CYFIP1: variants seen among roughly 807,000 people sequenced by gnomAD.
CYFIP1 encodes cytoplasmic FMR1 interacting protein 1.
In CYFIP1, 58 loss-of-function variants were observed where a neutral mutation model predicts 163.5. The ratio of observed to expected loss-of-function variants is 0.35; its 90% CI spans 0.29 to 0.44. The LOEUF (loss-of-function observed/expected upper bound fraction) is 0.44, where lower values mean the gene tolerates loss of function less well. Among genes scored for constraint, CYFIP1 ranks in the 20% least tolerant of loss-of-function variants. The pLI, the probability that CYFIP1 is intolerant of heterozygous loss-of-function variation, is 1.00. For missense variants in CYFIP1, 1,338 were observed against 1,653.8 expected, an observed-to-expected ratio of 0.81 and a Z score of 3.31; for synonymous variants, 663 against 660.7, an observed-to-expected ratio of 1.00 and a Z score of -0.05.
In CYFIP1 at chr15:22,949,400, T is replaced by C. The variant is rs535153824; in HGVS notation, c.-6-2109A>G. ...CAGGAAGGAAGGTGAAGCCAGGACG[T>C]GGGCAGAGGAGGAAAACAAAGAGCA... On this transcript the variant is annotated intron_variant, in intron 1 of 30. Coordinates refer to ENST00000617928, the MANE Select transcript of CYFIP1 (RefSeq NM_014608.6). Among the ~76,000 whole-genome samples the C allele has an allele frequency of 4.6e-5, 7 of 151,940 alleles. No individual in the cohort carries two copies. In the South Asian group the frequency reaches 1.5e-3, roughly 32 times the overall value.
chr15:22,910,617 T>C lies in CYFIP1; in HGVS notation c.2171A>G (p.Asp724Gly). 6.2e-7 allele frequency: 1 copy of C among 1,614,100 alleles called. No individual in the cohort carries two copies. Residue 724 changes from aspartate to glycine, a missense_variant, in exon 20 of 31, where the codon GAT becomes GGT. Transcript: ENST00000617928. ...YKVMAGSLLL[D>G]KRLRSECKNQ... The stretch of plus-strand genomic sequence containing the variant: ...CTTGCATTCTGATCGTAACCGTTTA[T>C]CAAGAAGCAAACTAGTGTAGAAGGA...
chr15:22,942,529 C>G (rs2061923969), intron 6 of CYFIP1, among the ~76,000 whole-genome samples: 1 of 151,520 alleles, frequency 6.6e-6, no homozygotes, highest in African/African-American at 2.4e-5. Context: ...CATCGGCCAC[C>G]CACTGCCCCA....
At chr15:22,898,297 T>C (rs2141985659) in intron 22 of CYFIP1, among the ~76,000 whole-genome samples, 1 of 152,218 alleles carries the variant, frequency 6.6e-6, no homozygotes, top group East Asian at 1.9e-4. Flanking sequence ...TCTCACTCTG[T>C]CACCCAGGGG....
chr15:22,964,351 A>ACC (rs2062821151), intron 1 of CYFIP1, among the ~76,000 whole-genome samples: 1 of 63,048 alleles, frequency 1.6e-5, no homozygotes, highest in South Asian at 6.1e-4. Flanking sequence ...CAACCTCATC[A>ACC]CTCACACACA....
At chr15:22,961,294 T>C (rs1352871678) in intron 1 of CYFIP1, among the ~76,000 whole-genome samples, 1 of 152,140 alleles carries the variant, frequency 6.6e-6, no homozygotes, top group Non-Finnish European at 1.5e-5. Flanking sequence ...AGCGCTGAGA[T>C]TGCAGGCATG....
At chr15:22,898,235 C>T (rs959576907) in intron 22 of CYFIP1, among the ~76,000 whole-genome samples, 9 of 152,128 alleles carry the variant, frequency 5.9e-5, no homozygotes, top group Non-Finnish European at 1.0e-4. Flanking sequence ...GTTACTCTAT[C>T]ATTCCAAATA....
At chr15:22,934,273 A>AC (rs1240857195) in intron 9 of CYFIP1, among the ~76,000 whole-genome samples, 1 of 123,594 alleles carries the variant, frequency 8.1e-6, no homozygotes, top group Non-Finnish European at 1.6e-5. Context: ...TGCAAGCTCC[A>AC]CCTCCCAGGT....
chr15:22,939,022 G>A (rs1259300632), intron 8 of CYFIP1, among the ~76,000 whole-genome samples, 170 bp downstream of exon 8: 3 of 151,752 alleles, frequency 2.0e-5, no homozygotes, highest in African/African-American at 7.3e-5. Flanking sequence ...CTCATGGGGT[G>A]TGTTGAGAGC....
At chr15:22,881,801 A>T (rs1246866967) in intron 25 of CYFIP1, 45 bp downstream of exon 25, 2 of 1,567,188 alleles carry the variant, frequency 1.3e-6, no homozygotes, top group African/African-American at 1.4e-5. Flanking sequence ...TTCCTTTCTG[A>T]CCTCTCCACA....
At chr15:22,900,399 CTTT>C (rs35697922) in intron 22 of CYFIP1, among the ~76,000 whole-genome samples, 9 of 135,016 alleles carry the variant, frequency 6.7e-5, no homozygotes, top group African/African-American at 8.2e-5. Context: ...AATTTCTGTT[CTTT>C]TTTTTTTTTT....
intron 1 of CYFIP1, among the ~76,000 whole-genome samples, chr15:22,966,202 A>G (rs2062897367): frequency 6.6e-6 from 1 of 151,810 alleles, no homozygotes. Flanking sequence ...AAAAAATACA[A>G]AATTAGCCAG....
Position 22,918,675 on chromosome 15 carries a change from G to A in CYFIP1, c.1526+17C>T. On this transcript the variant is annotated intron_variant, in intron 14 of 30. Coordinates refer to ENST00000617928, the MANE Select transcript of CYFIP1 (RefSeq NM_014608.6). ...GACGTGTGGGCACAGCGGGCACAGG[G>A]CGTGGGGAAGGCTGACCTCTGGATG... The A allele has an allele frequency of 6.4e-7, 1 of 1,570,742 alleles. No individual in the cohort carries two copies. The highest frequency in any genetic ancestry group is 8.6e-7 in the Non-Finnish European group (1 of 1,157,736).
chr15:22,870,712 A>G (rs754906233), intron 30 of CYFIP1, among the ~76,000 whole-genome samples: 1 of 152,160 alleles, frequency 6.6e-6, no homozygotes, highest in African/African-American at 2.4e-5. Flanking sequence ...ATTCATGCGC[A>G]CAATTGATAG....
chr15:22,918,208 G>A (rs1246999186), intron 14 of CYFIP1, among the ~76,000 whole-genome samples: 2 of 152,224 alleles, frequency 1.3e-5, no homozygotes, highest in Non-Finnish European at 2.9e-5. Flanking sequence ...GTGGCTCTGA[G>A]TCATGCTGTG....
chr15:22,921,554 G>A (rs149292344), intron 13 of CYFIP1, among the ~76,000 whole-genome samples: 1 of 151,704 alleles, frequency 6.6e-6, no homozygotes, highest in Non-Finnish European at 1.5e-5. Context: ...AGTAGCTCAC[G>A]CCTGTAATCC....
intron 22 of CYFIP1, among the ~76,000 whole-genome samples, chr15:22,899,512 A>G (rs2060332379): frequency 6.6e-6 from 1 of 150,950 alleles, no homozygotes; most frequent in African/African-American, 2.4e-5. Flanking sequence ...AGTGAGTCTC[A>G]TGACATCTCA....
chr15:22,964,636 G>A (rs1410941523), intron 1 of CYFIP1, among the ~76,000 whole-genome samples: 1 of 152,076 alleles, frequency 6.6e-6, no homozygotes, highest in African/African-American at 2.4e-5. Context: ...TGGGAAAAAG[G>A]GACCCCACCC....
At chr15:22,944,711 C>T (rs1019869975) in intron 4 of CYFIP1, 52 bp from the exon 5 acceptor site, 5 of 1,563,034 alleles carry the variant, frequency 3.2e-6, no homozygotes, top group Non-Finnish European at 4.4e-6. Context: ...CAGCCAGAAG[C>T]AGCCGCTGGG....
chr15:22,943,034 G>T, intron 6 of CYFIP1, 139 bp downstream of exon 6: 1 of 755,384 alleles, frequency 1.3e-6, no homozygotes, highest in Non-Finnish European at 2.2e-6. Context: ...TGCTCACACA[G>T]CCCTGACACT....
Sources: gnomAD v4.1 joint callset for allele counts (sites outside exome capture counted in the v4.1 genomes callset) on GRCh38, gnomAD v4.1.1 for gene constraint, MANE v1.5 for transcripts, NCBI Gene and HGNC (gene_info 2026-07-23, HGNC 2026-07-21) for gene names.